Variants in NEURL4 observed in about 807,000 individuals in gnomAD.
NEURL4 encodes neuralized-like protein 4.
Under a neutral mutation model 148.0 loss-of-function variants are expected in NEURL4, and 45 were observed. That is an observed-to-expected ratio of 0.30 (90% CI 0.24 to 0.39). The LOEUF (loss-of-function observed/expected upper bound fraction) is 0.39, where lower values mean the gene tolerates loss of function less well. Among genes scored for constraint, NEURL4 ranks in the 10% least tolerant of loss-of-function variants. The pLI is 1.00. For synonymous variants in NEURL4, 854 were observed against 869.0 expected, an observed-to-expected ratio of 0.98 and a Z score of 0.30; for missense variants, 1,776 against 2,144.0, an observed-to-expected ratio of 0.83 and a Z score of 3.39.
chr17:7,318,783 G>GCCCACTGCCGAGGTTCTCCT lies in NEURL4; in HGVS notation c.3685-129_3685-110dup, dbSNP rs1597630637. On this transcript the variant is annotated intron_variant, in intron 22 of 28. Transcript: ENST00000399464. The surrounding 1 kb of genome is among the most constrained non-coding windows in gnomAD (Gnocchi z 4.3). ...GTGCCTTGGCTTTGCCTCCATGCTT[G>GCCCACTGCCGAGGTTCTCCT]CCCACTGCCGAGGTTCTCCTCCCAC... 1 of 1,244,796 alleles carries GCCCACTGCCGAGGTTCTCCT rather than the reference G, an allele frequency of 8.0e-7. No homozygotes were observed. Among genetic ancestry groups the GCCCACTGCCGAGGTTCTCCT allele is most frequent in the Non-Finnish European group, 1.1e-6 (1 of 907,168 alleles). 77.1% of individuals were successfully genotyped at this position (1,244,796 alleles called of 1,614,324 possible).
Position 7,327,607 on chromosome 17 carries a change from G to C in NEURL4, c.560C>G (p.Pro187Arg), listed in dbSNP as rs1246618261. Residue 187 changes from proline to arginine, a missense_variant, in exon 2 of 29, where the codon CCT becomes CGT. Pro to Arg is a moderately radical substitution (Grantham distance 103). Coordinates refer to ENST00000399464, the MANE Select transcript of NEURL4 (RefSeq NM_032442.3). This position sits in a 1 kb window ranked among gnomAD's most constrained non-coding sequence, Gnocchi z 6.6. The part of the protein sequence containing the change: ...DCGVAATGLP[P>R]RVWAVVDLYG... ...AAGGTCCACGACGGCCCAGACACGA[G>C]GGGGCAGGCCTGTGGCAGCCACACC... 1.9e-6 allele frequency: 3 copies of C among 1,612,454 alleles called. No homozygotes were observed. The highest frequency in any genetic ancestry group is 2.5e-6 in the Non-Finnish European group (3 of 1,179,912).
In NEURL4 at chr17:7,316,153, G is replaced by A. The variant is rs1402766211; in HGVS notation, c.4659C>T (p.Leu1553=). The change falls in exon 29 of 29, where the codon CTC becomes CTT. Residue 1553 remains leucine, a synonymous_variant. Coordinates refer to ENST00000399464, the MANE Select transcript of NEURL4 (RefSeq NM_032442.3). ...CCACCCGTACCAGCAGGGCACAGAG[G>A]AGTGTGGCCCCCTTCTCCTTAGTGA... ...EWVTKEKGAT[L]LCALLVRVE is the part of the protein sequence containing the mutation. 1.9e-6 allele frequency: 3 copies of A among 1,576,118 alleles called. No individual in the cohort carries two copies. The highest frequency in any genetic ancestry group is 1.7e-6 in the Non-Finnish European group (2 of 1,145,296).
At chr17:7,323,455 C>T (rs2073058308) in intron 14 of NEURL4, 30 bp downstream of exon 14, 1 of 1,611,096 alleles carries the variant, frequency 6.2e-7, no homozygotes, top group Non-Finnish European at 8.5e-7. Flanking sequence ...CACTCAGCCC[C>T]AAGCTGGTCC....
intron 21 of NEURL4, among the ~76,000 whole-genome samples, 166 bp from the exon 22 acceptor site, chr17:7,319,374 CTTTTTTTTTTTTTTTTTTTT>C (rs374281551): frequency 2.1e-4 from 24 of 113,928 alleles, no homozygotes; most frequent in South Asian, 1.3e-3. Context: ...TTCTTTCCCT[CTTTTTTTTTTTTTTTTTTTT>C]TTTTTTTTTA....
At position 7,326,708 on chromosome 17, in the gene NEURL4, C is replaced by T. The variant is rs201354739; in HGVS notation, c.1092+3G>A. 2.6e-5 allele frequency: 42 copies of T among 1,609,062 alleles called. No homozygotes were observed. The Admixed American group carries it at 5.7e-4, about 22-fold the overall frequency. Reference sequence around the variant, plus strand: ...GCCAACCAGACCACAGGACTTTGCACACCTCAAACATCTCATTGTCCCGAA... The same window carrying T: ...GCCAACCAGACCACAGGACTTTGCATACCTCAAACATCTCATTGTCCCGAA... On this transcript the variant is annotated splice_donor_region_variant and intron_variant, in intron 4 of 28. Transcript: ENST00000399464. This position sits in a 1 kb window ranked among gnomAD's most constrained non-coding sequence, Gnocchi z 6.0.
chr17:7,317,221 G>C lies in NEURL4; in HGVS notation c.4468C>G (p.Leu1490Val). 6.6e-7 allele frequency: 1 copy of C among 1,513,266 alleles called. No homozygotes were observed. Among genetic ancestry groups the C allele is most frequent in the Non-Finnish European group, 8.8e-7 (1 of 1,133,738 alleles). 93.7% of individuals were successfully genotyped at this position (1,513,266 alleles called of 1,614,324 possible). The change falls in exon 28 of 29, where the codon CTG (leucine) becomes GTG (valine). Residue 1490 changes from leucine (L) to valine (V), a missense_variant. Leu to Val is a conservative substitution (Grantham distance 32). Transcript: ENST00000399464. The stretch of plus-strand genomic sequence containing the variant: ...AGTACTCACTGCACTTTGGAGGCCA[G>C]GGTCTCCGCCCCAGCATATTGAAGG... ...PSLQYAGAET[L>V]ASKVQFRDPK...
Position 7,326,412 on chromosome 17 carries a change from C to T in NEURL4, c.1204+25G>A, listed in dbSNP as rs771156220. ...CCCCTCAGCAACACCAGGCCTGCAC[C>T]CCCGCCCCTGCCCGGGGCTGGTACC... On this transcript the variant is annotated intron_variant, in intron 5 of 28. Transcript: ENST00000399464. The surrounding 1 kb of genome is among the most constrained non-coding windows in gnomAD (Gnocchi z 6.0). 1.2e-6 allele frequency: 2 copies of T among 1,613,326 alleles called. No individual in the cohort carries two copies. The highest frequency in any genetic ancestry group is 1.3e-5 in the African/African-American group (1 of 74,892).
rs1567623805 is a variant in NEURL4 at position 7,327,913 on chromosome 17, A to G, written c.283-29T>C. The G allele has an allele frequency of 1.3e-6, 2 of 1,524,688 alleles. No homozygotes were observed. Among genetic ancestry groups the G allele is most frequent in the Non-Finnish European group, 1.8e-6 (2 of 1,127,316 alleles). 94.4% of individuals were successfully genotyped at this position (1,524,688 alleles called of 1,614,324 possible). ...GGATAGGGGTATTGGACAGAGGCTT[A>G]GAATGGGCCACCCCCCATTCCACAG... On this transcript the variant is annotated intron_variant, in intron 1 of 28. Coordinates refer to ENST00000399464, the MANE Select transcript of NEURL4 (RefSeq NM_032442.3). The surrounding 1 kb of genome is among the most constrained non-coding windows in gnomAD (Gnocchi z 6.6).
At chr17:7,319,706 AAAC>A (rs1212626288) in intron 21 of NEURL4, among the ~76,000 whole-genome samples, 8 of 102,538 alleles carry the variant, frequency 7.8e-5, no homozygotes, top group Admixed American at 1.1e-4. Flanking sequence ...GTCTCAAAAA[AAAC>A]AAAAAAACAA....
intron 21 of NEURL4, among the ~76,000 whole-genome samples, chr17:7,320,373 G>A (rs1164020885): frequency 6.6e-6 from 1 of 152,070 alleles, no homozygotes; most frequent in East Asian, 1.9e-4. Flanking sequence ...GAGCTCAAGC[G>A]ATCCGCCTGC....
At position 7,318,482 on chromosome 17, in the gene NEURL4, C is replaced by T; in HGVS notation, c.3864+13G>A. On this transcript the variant is annotated intron_variant, in intron 23 of 28. Coordinates refer to ENST00000399464, the MANE Select transcript of NEURL4 (RefSeq NM_032442.3). This position sits in a 1 kb window ranked among gnomAD's most constrained non-coding sequence, Gnocchi z 4.3. Reference sequence around the variant, plus strand: ...CTCAGGCACCCCTCCTCCCTGCCCCCACTGCCACTAACCTGCTCACACTGC... The same window carrying T: ...CTCAGGCACCCCTCCTCCCTGCCCCTACTGCCACTAACCTGCTCACACTGC... The T allele has an allele frequency of 1.9e-6, 3 of 1,601,282 alleles. No homozygotes were observed. Among genetic ancestry groups the T allele is most frequent in the Non-Finnish European group, 2.6e-6 (3 of 1,172,112 alleles).
At position 7,319,154 on chromosome 17, in the gene NEURL4, T is replaced by C; in HGVS notation, c.3580A>G (p.Ile1194Val). ...QWTSSLVLGV[I>V]TCAPERLNFP... The stretch of plus-strand genomic sequence containing the variant: ...TTGAGCCTCTCAGGCGCGCAGGTGA[T>C]GACTCCCAGGACAAGGGAAGATGTC... Residue 1194 changes from isoleucine (I) to valine (V), a missense_variant, in exon 22 of 29, where the codon ATC becomes GTC. Coordinates refer to ENST00000399464, the MANE Select transcript of NEURL4 (RefSeq NM_032442.3). 2.5e-6 allele frequency: 4 copies of C among 1,614,058 alleles called. No homozygotes were observed. The highest frequency in any genetic ancestry group is 3.4e-6 in the Non-Finnish European group (4 of 1,179,996).
intron 14 of NEURL4, 114 bp downstream of exon 14, chr17:7,323,371 G>A (rs914445604): frequency 1.1e-5 from 12 of 1,112,952 alleles, no homozygotes; most frequent in Middle Eastern, 2.0e-4. Flanking sequence ...GAGGGGACAG[G>A]TAGATCCCCT....
At chr17:7,319,997 T>C (rs1005500409) in intron 21 of NEURL4, among the ~76,000 whole-genome samples, 5 of 150,034 alleles carry the variant, frequency 3.3e-5, no homozygotes, top group African/African-American at 1.2e-4. Flanking sequence ...GCCCGGCTAA[T>C]TTTTTGTATT....
In NEURL4 at chr17:7,326,785, G is replaced by A. The variant is rs1310932084; in HGVS notation, c.1018C>T (p.Arg340Trp). Residue 340 changes from arginine to tryptophan, a missense_variant, in exon 4 of 29, where the codon CGG becomes TGG. By Grantham distance (101) the Arg-to-Trp change is moderately radical. Transcript: ENST00000399464. The surrounding 1 kb of genome is among the most constrained non-coding windows in gnomAD (Gnocchi z 6.0). ...TTGTTGAATTCATCCAGGGGCCGCCGGCGCTCAGCCGTCTTATTATTGTTG... is the reference window on the plus strand; with the variant it reads ...TTGTTGAATTCATCCAGGGGCCGCCAGCGCTCAGCCGTCTTATTATTGTTG... ...LSNNNKTAERRRPLDEFNNGV... is the reference protein window; with the variant it reads ...LSNNNKTAERWRPLDEFNNGV... 6.2e-6 allele frequency: 10 copies of A among 1,613,174 alleles called. No individual in the cohort carries two copies. Among genetic ancestry groups the A allele is most frequent in the African/African-American group, 2.7e-5 (2 of 74,848 alleles).
rs752791460 is a variant in NEURL4 at position 7,321,691 on chromosome 17, C to T, written c.2968G>A (p.Gly990Ser). Residue 990 changes from glycine (G) to serine (S), a missense_variant, in exon 18 of 29, where the codon GGT (glycine) becomes AGT (serine). By Grantham distance (56) the Gly-to-Ser change is moderately conservative. Coordinates refer to ENST00000399464, the MANE Select transcript of NEURL4 (RefSeq NM_032442.3). The surrounding 1 kb of genome is among the most constrained non-coding windows in gnomAD (Gnocchi z 6.3). ...AGGGAAGGAGGCAGCCCTGGGCCAC[C>T]ACCGCCTGCCCCGGGTCCCATCTCC... ...PGEMGPGAGG[G>S]GPGLPPSLPE... The T allele has an allele frequency of 1.5e-5, 25 of 1,613,644 alleles. No homozygotes were observed. Among genetic ancestry groups the T allele is most frequent in the Non-Finnish European group, 1.9e-5 (22 of 1,180,050 alleles).
rs2072987685 is a variant in NEURL4 at position 7,318,820 on chromosome 17, A to G, written c.3685-146T>C. 1.0e-6 allele frequency: 1 copy of G among 998,788 alleles called. No homozygotes were observed. Among genetic ancestry groups the G allele is most frequent in the East Asian group, 2.7e-5 (1 of 37,700 alleles). The allele number at this position is 998,788 out of a possible 1,614,324, so 61.9% of individuals were successfully genotyped here. Reference sequence around the variant, plus strand: ...GGTTCTCCTCCCACTGCAGTTACCTAGAGCCCCTCCCCTTCCCCAAAACTG... The same window carrying G: ...GGTTCTCCTCCCACTGCAGTTACCTGGAGCCCCTCCCCTTCCCCAAAACTG... On this transcript the variant is annotated intron_variant, in intron 22 of 28. Coordinates refer to ENST00000399464, the MANE Select transcript of NEURL4 (RefSeq NM_032442.3). This position sits in a 1 kb window ranked among gnomAD's most constrained non-coding sequence, Gnocchi z 4.3.
intron 8 of NEURL4, 44 bp downstream of exon 8, chr17:7,325,164 AT>A: frequency 4.0e-6 from 1 of 251,004 alleles, no homozygotes. Context: ...CCCCCCCCCC[AT>A]TAGAATCCCT....
chr17:7,318,688 C>T lies in NEURL4; in HGVS notation c.3685-14G>A. ...CTTCTCGCAGATCTGGGAGGAGAGA[C>T]CGGCTGTCTTCCAGAGGTCAGACTC... is the stretch of plus-strand genomic sequence containing the variant. On this transcript the variant is annotated splice_polypyrimidine_tract_variant and intron_variant, in intron 22 of 28. Coordinates refer to ENST00000399464, the MANE Select transcript of NEURL4 (RefSeq NM_032442.3). The surrounding 1 kb of genome is among the most constrained non-coding windows in gnomAD (Gnocchi z 4.3). 1 of 1,594,322 alleles carries T rather than the reference C, an allele frequency of 6.3e-7. No homozygotes were observed.
Sources: gnomAD v4.1 joint callset for allele counts (sites outside exome capture counted in the v4.1 genomes callset) on GRCh38, gnomAD v4.1.1 for gene constraint, Gnocchi (gnomAD v3.1) non-coding constraint, MANE v1.5 for transcripts, NCBI Gene and HGNC (gene_info 2026-07-23, HGNC 2026-07-21) for gene names.